The following DEFB131A variants were observed in gnomAD, a reference collection of about 807,000 sequenced individuals.
The protein encoded by DEFB131A is beta-defensin 131A.
DEFB131A carries 5 observed loss-of-function variants against 2.4 expected under a neutral mutation model. The ratio of observed to expected loss-of-function variants is 2.12; its 90% CI spans 1.11 to 4.47. The LOEUF is 4.47. Ranked by LOEUF, DEFB131A falls within the 30% of genes most tolerant of loss-of-function variation. The pLI is 0.00. For synonymous variants in DEFB131A, 34 were observed against 25.7 expected, an observed-to-expected ratio of 1.32 and a Z score of -0.97; for missense variants, 120 against 79.9, an observed-to-expected ratio of 1.50 and a Z score of -1.91.
chr4:9,450,617 A>G lies in DEFB131A; in HGVS notation c.*103A>G. The stretch of plus-strand genomic sequence containing the variant: ...GATAGATGAAAATTATTATAATTGC[A>G]TGTTTAGATGGTCAGGTGAAAATGA... On this transcript the variant is annotated 3_prime_UTR_variant, in exon 2 of 2. Coordinates refer to ENST00000334879, the MANE Select transcript of DEFB131A (RefSeq NM_001040448.3). The G allele has an allele frequency of 7.0e-7, 1 of 1,419,572 alleles. No individual in the cohort carries two copies. The highest frequency in any genetic ancestry group is 9.6e-7 in the Non-Finnish European group (1 of 1,046,646). The allele number at this position is 1,419,572 out of a possible 1,614,324, so 87.9% of individuals were successfully genotyped here.
intron 1 of DEFB131A, among the ~76,000 whole-genome samples, chr4:9,449,890 T>G (rs1186071082): frequency 1.3e-5 from 2 of 152,146 alleles, no homozygotes; most frequent in African/African-American, 2.4e-5. Flanking sequence ...CAAAGACAGC[T>G]TTTCCACTTT....
Position 9,444,539 on chromosome 4 carries a change from G to C in DEFB131A, c.6G>C (p.Arg2Ser), listed in dbSNP as rs757935838. 4.0e-5 allele frequency: 64 copies of C among 1,611,432 alleles called. No homozygotes were observed. The highest frequency in any genetic ancestry group is 5.1e-5 in the Non-Finnish European group (60 of 1,179,652). Reference sequence around the variant, plus strand: ...CCTGCTTTACCTATTCAACCATGAGGGTCTTGTTTTTTGTCTTTGGAGTCC... The same window carrying C: ...CCTGCTTTACCTATTCAACCATGAGCGTCTTGTTTTTTGTCTTTGGAGTCC... The part of the protein sequence containing the change: M[R>S]VLFFVFGVLS... Residue 2 changes from arginine to serine, a missense_variant, in exon 1 of 2, where the codon AGG becomes AGC. Physicochemically the swap from Arg to Ser is moderately radical, Grantham distance 110. Coordinates refer to ENST00000334879, the MANE Select transcript of DEFB131A (RefSeq NM_001040448.3).
At chr4:9,447,489 T>C (rs1717531828) in intron 1 of DEFB131A, among the ~76,000 whole-genome samples, 1 of 152,184 alleles carries the variant, frequency 6.6e-6, no homozygotes, top group Non-Finnish European at 1.5e-5. Flanking sequence ...CAAAAGTTCA[T>C]TTTCTCACAG....
At chr4:9,447,907 G>A (rs1319926527) in intron 1 of DEFB131A, among the ~76,000 whole-genome samples, 5 of 151,654 alleles carry the variant, frequency 3.3e-5, no homozygotes, top group Non-Finnish European at 5.9e-5. Context: ...AAACTTAAAA[G>A]CAAAGAAAAA....
At chr4:9,449,637 C>T (rs1416396046) in intron 1 of DEFB131A, among the ~76,000 whole-genome samples, 2 of 151,794 alleles carry the variant, frequency 1.3e-5, no homozygotes, top group Non-Finnish European at 2.9e-5. Flanking sequence ...TTGGTCATGG[C>T]AATTATTTTA....
At chr4:9,447,747 A>G (rs532375837) in intron 1 of DEFB131A, among the ~76,000 whole-genome samples, 8 of 152,064 alleles carry the variant, frequency 5.3e-5, no homozygotes, top group African/African-American at 1.9e-4. Context: ...ATCTTCAAAT[A>G]TGATTACATT....
chr4:9,446,627 C>T (rs1425714143), intron 1 of DEFB131A, among the ~76,000 whole-genome samples: 13 of 150,922 alleles, frequency 8.6e-5, no homozygotes, highest in Non-Finnish European at 1.8e-4. Flanking sequence ...TTTCCTTCTC[C>T]TAAGTTTGGA....
At chr4:9,448,129 A>C (rs9999421) in intron 1 of DEFB131A, among the ~76,000 whole-genome samples, 2,324 of 151,292 alleles carry the variant, frequency 0.015, 63 homozygotes, top group African/African-American at 0.054. Context: ...CAAAAAATTT[A>C]AACATAGGCA....
chr4:9,445,127 A>G (rs1463748942), intron 1 of DEFB131A, among the ~76,000 whole-genome samples: 1 of 152,082 alleles, frequency 6.6e-6, no homozygotes, highest in Non-Finnish European at 1.5e-5. Context: ...GTTATGTTTG[A>G]TCAAAAGATG....
chr4:9,444,641 A>G, intron 1 of DEFB131A, 50 bp downstream of exon 1: 1 of 1,573,408 alleles, frequency 6.4e-7, no homozygotes, highest in South Asian at 1.1e-5. Flanking sequence ...TAAGTAAAAG[A>G]AAATGCAAGG....
chr4:9,447,274 G>A (rs1717527572), intron 1 of DEFB131A, among the ~76,000 whole-genome samples: 1 of 151,924 alleles, frequency 6.6e-6, no homozygotes, highest in African/African-American at 2.4e-5. Flanking sequence ...TCCACTACTT[G>A]GTACATATAT....
intron 1 of DEFB131A, among the ~76,000 whole-genome samples, chr4:9,445,881 T>G (rs1717480469): frequency 6.6e-6 from 1 of 152,172 alleles, no homozygotes. Context: ...CTATGTATAT[T>G]CCTATTCTGG....
At chr4:9,444,646 GC>G in intron 1 of DEFB131A, 55 bp downstream of exon 1, 1 of 1,565,740 alleles carries the variant, frequency 6.4e-7, no homozygotes, top group Non-Finnish European at 8.7e-7. Context: ...AAAAGAAAAT[GC>G]AAGGTCTTTC....
chr4:9,449,849 T>A (rs1717608537), intron 1 of DEFB131A, among the ~76,000 whole-genome samples: 1 of 152,160 alleles, frequency 6.6e-6, no homozygotes, highest in African/African-American at 2.4e-5. Context: ...AGGATTCTTT[T>A]TTCTCATTTC....
At chr4:9,445,231 G>C (rs1372923158) in intron 1 of DEFB131A, among the ~76,000 whole-genome samples, 1 of 152,104 alleles carries the variant, frequency 6.6e-6, no homozygotes, top group Non-Finnish European at 1.5e-5. Context: ...TGAAGAGGTG[G>C]ATACTCCACC....
rs771939561 is a variant in DEFB131A at position 9,444,494 on chromosome 4, C to G, written c.-40C>G. On this transcript the variant is annotated 5_prime_UTR_variant, in exon 1 of 2. It introduces an in-frame stop codon into an upstream open reading frame of the 5' UTR. Transcript: ENST00000334879. ...ATGTACACAGAAGTCCTCTTCATCT[C>G]AGCTACTGATTCTCTCTAACCTGCT... 1 of 1,605,136 alleles carries G rather than the reference C, an allele frequency of 6.2e-7. No homozygotes were observed. The highest frequency in any genetic ancestry group is 8.5e-7 in the Non-Finnish European group (1 of 1,176,744).
At chr4:9,445,709 C>T (rs1284437303) in intron 1 of DEFB131A, among the ~76,000 whole-genome samples, 2 of 152,094 alleles carry the variant, frequency 1.3e-5, no homozygotes, top group South Asian at 2.1e-4. Context: ...ATACAATTTA[C>T]CATAAAATTC....
chr4:9,450,165 T>C lies in DEFB131A; in HGVS notation c.59-195T>C, dbSNP rs1008269478. On this transcript the variant is annotated intron_variant, in intron 1 of 1. Coordinates refer to ENST00000334879, the MANE Select transcript of DEFB131A (RefSeq NM_001040448.3). ...GCATTTCCAGCTACTGCCTCATTTA[T>C]CTACTCTCTTTATAGAAGAAATCAT... Among the ~76,000 whole-genome samples the C allele has an allele frequency of 1.2e-4, 19 of 152,204 alleles. 1 individual carries two copies. The highest frequency in any genetic ancestry group is 4.6e-4 in the African/African-American group (19 of 41,472).
intron 1 of DEFB131A, among the ~76,000 whole-genome samples, chr4:9,446,833 T>A (rs1400136177): frequency 1.3e-5 from 2 of 152,202 alleles, no homozygotes; most frequent in Non-Finnish European, 1.5e-5. Flanking sequence ...TTCTTTGTTT[T>A]TTCATTGACT....
Sources: allele counts gnomAD v4.1 joint callset (sites outside exome capture counted in the v4.1 genomes callset), GRCh38; gene constraint gnomAD v4.1.1; transcripts MANE v1.5; gene names NCBI Gene and HGNC (gene_info 2026-07-23, HGNC 2026-07-21).